WWOX: variants seen among roughly 807,000 people sequenced by gnomAD.
The protein encoded by WWOX is WW domain-containing oxidoreductase.
WWOX carries 69 observed loss-of-function variants against 46.2 expected under a neutral mutation model. That is an observed-to-expected ratio of 1.49 (90% CI 1.23 to 1.82). WWOX has a LOEUF of 1.82. Among genes scored for constraint, WWOX ranks in the 40% most tolerant of loss-of-function variants. The pLI is 0.00. For synonymous variants in WWOX, 359 were observed against 202.6 expected (o/e 1.77, Z -6.56); for missense variants, 919 against 542.6 (o/e 1.69, Z -6.89).
At chr16:78,439,009 T>A (rs753370212) in intron 8 of WWOX, among the ~76,000 whole-genome samples, 1 of 152,176 alleles carries the variant, frequency 6.6e-6, no homozygotes, top group Admixed American at 6.5e-5. Flanking sequence ...GATTTGTTCC[T>A]GAAATTAGTA....
At chr16:79,005,502 C>G (rs970648173) in intron 8 of WWOX, among the ~76,000 whole-genome samples, 1 of 152,140 alleles carries the variant, frequency 6.6e-6, no homozygotes, top group Non-Finnish European at 1.5e-5. Context: ...GCAAGGCCAT[C>G]CTCTCTCTGA....
chr16:78,627,257 G>A (rs1159541868), intron 8 of WWOX, among the ~76,000 whole-genome samples: 1 of 152,120 alleles, frequency 6.6e-6, no homozygotes, highest in Non-Finnish European at 1.5e-5. Flanking sequence ...TACCTCCCCA[G>A]GGGATAGCCC....
chr16:78,570,454 A>G (rs1030175406), intron 8 of WWOX, among the ~76,000 whole-genome samples: 34 of 152,152 alleles, frequency 2.2e-4, no homozygotes, highest in African/African-American at 8.2e-4. Context: ...GATTACAGGC[A>G]TACACCACCA....
intron 5 of WWOX, among the ~76,000 whole-genome samples, chr16:78,219,133 A>G (rs1481821621): frequency 2.0e-5 from 3 of 152,144 alleles, no homozygotes; most frequent in African/African-American, 7.2e-5. Flanking sequence ...CCTACATGAT[A>G]GAGACTAGGT....
chr16:78,571,547 G>T (rs1045616833), intron 8 of WWOX, among the ~76,000 whole-genome samples: 4 of 152,096 alleles, frequency 2.6e-5, no homozygotes, highest in African/African-American at 9.7e-5. Flanking sequence ...CCATATTATC[G>T]AAAGGATGTT....
At chr16:79,057,239 C>T (rs2048279852) in intron 8 of WWOX, among the ~76,000 whole-genome samples, 1 of 152,072 alleles carries the variant, frequency 6.6e-6, no homozygotes, top group African/African-American at 2.4e-5. Context: ...TAGGATACAT[C>T]ACCAGTCTTC....
intron 5 of WWOX, among the ~76,000 whole-genome samples, chr16:78,225,462 A>G (rs372987869): frequency 1.3e-5 from 2 of 152,122 alleles, no homozygotes; most frequent in South Asian, 4.1e-4. Context: ...TTCTATTGCA[A>G]CCAAATCTAT....
intron 5 of WWOX, among the ~76,000 whole-genome samples, chr16:78,213,447 A>C (rs1168652548): frequency 6.6e-6 from 1 of 151,682 alleles, no homozygotes; most frequent in Non-Finnish European, 1.5e-5. Flanking sequence ...CCCAATTCGA[A>C]AGATAAGTGC....
At chr16:78,256,739 C>G (rs1197018636) in intron 5 of WWOX, among the ~76,000 whole-genome samples, 1 of 152,066 alleles carries the variant, frequency 6.6e-6, no homozygotes, top group Non-Finnish European at 1.5e-5. Flanking sequence ...GAAACATGAA[C>G]AGAGAGTAGA....
At chr16:79,189,353 G>T (rs2051082887) in intron 8 of WWOX, among the ~76,000 whole-genome samples, 1 of 151,494 alleles carries the variant, frequency 6.6e-6, no homozygotes, top group South Asian at 2.1e-4. Flanking sequence ...GACTTCCCAG[G>T]CTTAGGTGAT....
chr16:78,401,549 A>G (rs1309789080), intron 6 of WWOX, among the ~76,000 whole-genome samples: 1 of 152,072 alleles, frequency 6.6e-6, no homozygotes, highest in Admixed American at 6.6e-5. Context: ...GATTTAGGGG[A>G]AAGAGTCTGG....
At chr16:78,109,392 GA>G (rs2151667110) in intron 2 of WWOX, among the ~76,000 whole-genome samples, 1 of 151,944 alleles carries the variant, frequency 6.6e-6, no homozygotes, top group East Asian at 1.9e-4. Context: ...ATGTGCACAT[GA>G]AAAAAAATGG....
At chr16:78,913,770 T>G (rs1236983059) in intron 8 of WWOX, among the ~76,000 whole-genome samples, 1 of 151,542 alleles carries the variant, frequency 6.6e-6, no homozygotes, top group African/African-American at 2.4e-5. Context: ...GAAGCCATCC[T>G]CCCACCGTAG....
At chr16:78,835,964 C>A (rs772889072) in intron 8 of WWOX, among the ~76,000 whole-genome samples, 1 of 152,138 alleles carries the variant, frequency 6.6e-6, no homozygotes, top group Non-Finnish European at 1.5e-5. Context: ...TATGTTACTA[C>A]CTAAGCTGCC....
At chr16:78,620,701 T>C (rs994278407) in intron 8 of WWOX, among the ~76,000 whole-genome samples, 2 of 152,032 alleles carry the variant, frequency 1.3e-5, no homozygotes, top group Non-Finnish European at 2.9e-5. Context: ...GGTTTTTTTT[T>C]CCTTTTTGCA....
At chr16:78,128,693 C>T (rs1019509210) in intron 4 of WWOX, among the ~76,000 whole-genome samples, 1 of 152,192 alleles carries the variant, frequency 6.6e-6, no homozygotes, top group Non-Finnish European at 1.5e-5. Flanking sequence ...TGAAAATAAT[C>T]AATCTCTTTC....
intron 8 of WWOX, among the ~76,000 whole-genome samples, chr16:78,671,390 A>G (rs2047460001): frequency 6.6e-6 from 1 of 152,198 alleles, no homozygotes; most frequent in Non-Finnish European, 1.5e-5. Context: ...GTGCCACTGC[A>G]CTCCGGCCTG....
At chr16:78,812,914 T>G (rs1433318284) in intron 8 of WWOX, among the ~76,000 whole-genome samples, 2 of 152,230 alleles carry the variant, frequency 1.3e-5, no homozygotes, top group African/African-American at 4.8e-5. Flanking sequence ...AAAGAGGTTT[T>G]GACTCACTGG....
chr16:78,216,991 G>A (rs570599331), intron 5 of WWOX, among the ~76,000 whole-genome samples: 145 of 152,192 alleles, frequency 9.5e-4, no homozygotes, highest in South Asian at 2.1e-3. Flanking sequence ...CTAAACTGCC[G>A]GGATTACAGG....
Sources: gnomAD v4.1 joint callset for allele counts (sites outside exome capture counted in the v4.1 genomes callset) on GRCh38, gnomAD v4.1.1 for gene constraint, MANE v1.5 for transcripts, NCBI Gene and HGNC (gene_info 2026-07-23, HGNC 2026-07-21) for gene names.